Variants in SMURF1 observed in about 807,000 individuals in gnomAD.
SMURF1 encodes SMAD specific E3 ubiquitin protein ligase 1, also known as E3 ubiquitin-protein ligase SMURF1.
In SMURF1, 44 loss-of-function variants were observed where a neutral mutation model predicts 98.0. The observed-to-expected ratio is 0.45, with a 90% CI of 0.35 to 0.58. SMURF1 has a LOEUF of 0.58. Ranked by LOEUF, SMURF1 falls within the 20% of genes least tolerant of loss-of-function variation. The pLI, the probability that SMURF1 is intolerant of heterozygous loss-of-function variation, is 0.00. For synonymous variants in SMURF1, 396 were observed against 374.9 expected, an observed-to-expected ratio of 1.06 and a Z score of -0.65; for missense variants, 687 against 938.4, an observed-to-expected ratio of 0.73 and a Z score of 3.50.
In SMURF1 at chr7:99,033,322, C is replaced by CT. The variant is rs944984965; in HGVS notation, c.2012-202dup. Reference sequence around the variant, plus strand: ...CTATCAAAGTGACAAAATTCAGACACTTTTTTGAGACAGGGTCTCACTCTG... The same window carrying CT: ...CTATCAAAGTGACAAAATTCAGACACTTTTTTTGAGACAGGGTCTCACTCTG... On this transcript the variant is annotated intron_variant, in intron 16 of 17. Coordinates refer to ENST00000361368, the MANE Select transcript of SMURF1 (RefSeq NM_181349.3). Among the ~76,000 whole-genome samples the CT allele has an allele frequency of 2.6e-5, 4 of 152,086 alleles. No homozygotes were observed. In the South Asian group the frequency reaches 8.3e-4, roughly 32 times the overall value.
chr7:99,139,809 G>T (rs531858002), intron 1 of SMURF1, among the ~76,000 whole-genome samples: 3 of 152,068 alleles, frequency 2.0e-5, no homozygotes, highest in Admixed American at 6.5e-5. Flanking sequence ...AAATACAAAG[G>T]CTCAAATATT....
chr7:99,090,467 A>G (rs1464694032), intron 1 of SMURF1, among the ~76,000 whole-genome samples: 1 of 152,074 alleles, frequency 6.6e-6, no homozygotes, highest in Non-Finnish European at 1.5e-5. Context: ...ATCCCCTTAC[A>G]GTCAATTTCC....
chr7:99,089,404 C>T (rs1379639009), intron 1 of SMURF1, among the ~76,000 whole-genome samples: 3 of 151,028 alleles, frequency 2.0e-5, no homozygotes, highest in East Asian at 2.0e-4. Flanking sequence ...TTTGGGAGGC[C>T]GAGGCAGGAG....
At chr7:99,093,863 A>C (rs1244296534) in intron 1 of SMURF1, among the ~76,000 whole-genome samples, 2 of 152,168 alleles carry the variant, frequency 1.3e-5, no homozygotes, top group African/African-American at 4.8e-5. Flanking sequence ...AAAGCTTTAC[A>C]ATCTAAATGT....
chr7:99,093,982 C>T (rs1172844124), intron 1 of SMURF1, among the ~76,000 whole-genome samples: 3 of 152,046 alleles, frequency 2.0e-5, no homozygotes, highest in African/African-American at 4.8e-5. Flanking sequence ...TTGAAATTTA[C>T]GCACAAGATT....
chr7:99,119,053 G>A (rs185296918), intron 1 of SMURF1, among the ~76,000 whole-genome samples: 341 of 103,038 alleles, frequency 3.3e-3, no homozygotes, highest in Non-Finnish European at 4.8e-3. Context: ...TTAGAGACAG[G>A]GTCTCGCTAT....
chr7:99,033,070 G>A lies in SMURF1; in HGVS notation c.2063C>T (p.Ala688Val), dbSNP rs750847219. ...GGCCTTCGGAAGGTTGTCTGTGTTC[G>A]CGTCTATCAGGTGGATGGTGAACAG... is the stretch of plus-strand genomic sequence containing the variant. ...PRLFTIHLID[A>V]NTDNLPKAHT... is the part of the protein sequence containing the mutation. Residue 688 changes from alanine (A) to valine (V), a missense_variant, in exon 17 of 18, where the codon GCG becomes GTG. Physicochemically the swap from Ala to Val is moderately conservative, Grantham distance 64 (BLOSUM62 0). Around this residue, in one of 2 missense-constraint regions of SMURF1, gnomAD observed 272 missense variants for 430.0 expected, o/e 0.63. Transcript: ENST00000361368. 8.8e-6 allele frequency: 14 copies of A among 1,592,610 alleles called. No homozygotes were observed. Among genetic ancestry groups the A allele is most frequent in the Middle Eastern group, 1.7e-4 (1 of 5,856 alleles).
rs368142626 is a variant in SMURF1, at chr7:99,049,728, C to A, written c.807-19G>T. The A allele has an allele frequency of 1.2e-6, 2 of 1,609,310 alleles. No individual in the cohort carries two copies. The highest frequency in any genetic ancestry group is 1.7e-5 in the Admixed American group (1 of 59,202). ...AAGGTCTCTACCAAAATGGAAGATACAGAGAGGTTTGTCCAACTGAGTATG... is the reference window on the plus strand; with the variant it reads ...AAGGTCTCTACCAAAATGGAAGATAAAGAGAGGTTTGTCCAACTGAGTATG... On this transcript the variant is annotated intron_variant, in intron 8 of 17. Transcript: ENST00000361368.
intron 6 of SMURF1, 148 bp downstream of exon 6, chr7:99,054,642 G>T (rs1402686500): frequency 1.5e-5 from 10 of 680,212 alleles, no homozygotes; most frequent in Non-Finnish European, 2.5e-5. Flanking sequence ...TTATAGCCAA[G>T]TAAACTGGTT....
At chr7:99,109,287 C>T (rs992287992) in intron 1 of SMURF1, among the ~76,000 whole-genome samples, 5 of 152,344 alleles carry the variant, frequency 3.3e-5, no homozygotes, top group East Asian at 1.9e-4. Context: ...TCACAGACAC[C>T]GGCAAGCCGC....
At chr7:99,117,697 G>T (rs1797490822) in intron 1 of SMURF1, among the ~76,000 whole-genome samples, 2 of 151,902 alleles carry the variant, frequency 1.3e-5, no homozygotes, top group South Asian at 2.1e-4. Flanking sequence ...AAACTTTTAT[G>T]CAGCAAAGAA....
Position 99,038,408 on chromosome 7 carries a change from C to T in SMURF1, c.1668G>A (p.Glu556=), listed in dbSNP as rs757866662. The change falls in exon 14 of 18, where the codon GAG becomes GAA. Residue 556 remains glutamate (E), a synonymous_variant. Transcript: ENST00000361368. Reference sequence around the variant, plus strand: ...ATTACCGGACGTATTCTTTCTTATTCTCCTCTGTGACTGGCACATTTCTGC... The same window carrying T: ...ATTACCGGACGTATTCTTTCTTATTTTCCTCTGTGACTGGCACATTTCTGC... ...PNGRNVPVTE[E]NKKEYVRLYV... 2 of 1,614,194 alleles carry T rather than the reference C, an allele frequency of 1.2e-6. No homozygotes were observed. Among genetic ancestry groups the T allele is most frequent in the South Asian group, 2.2e-5 (2 of 91,086 alleles).
chr7:99,049,676 T>TA lies in SMURF1; in HGVS notation c.839_840insT (p.Pro281ThrfsTer22). ...TGACTTCCCAGCCTGGCGGCAGTGGTCCAAGTTCATCACAGTTCACACTGT... is the reference window on the plus strand; with the variant it reads ...TGACTTCCCAGCCTGGCGGCAGTGGTACCAAGTTCATCACAGTTCACACTGT... On this transcript the variant is annotated frameshift_variant, in exon 9 of 18. Coordinates refer to ENST00000361368, the MANE Select transcript of SMURF1 (RefSeq NM_181349.3). LOFTEE classifies it high-confidence loss of function. The TA allele has an allele frequency of 6.2e-7, 1 of 1,614,124 alleles. No individual in the cohort carries two copies. The highest frequency in any genetic ancestry group is 8.5e-7 in the Non-Finnish European group (1 of 1,180,018).
At chr7:99,063,675 T>C (rs1796121053) in intron 1 of SMURF1, among the ~76,000 whole-genome samples, 1 of 151,946 alleles carries the variant, frequency 6.6e-6, no homozygotes, top group African/African-American at 2.4e-5. Flanking sequence ...GGGACAACTA[T>C]CATTACAATC....
At chr7:99,142,149 C>T (rs1286146150) in intron 1 of SMURF1, among the ~76,000 whole-genome samples, 2 of 152,194 alleles carry the variant, frequency 1.3e-5, no homozygotes, top group Non-Finnish European at 2.9e-5. Flanking sequence ...GCCACCAAGT[C>T]GCAGGCCCGC....
Position 99,061,866 on chromosome 7 carries a change from A to G in SMURF1, c.56-29T>C, listed in dbSNP as rs145626242. ...AAAACAAAGAAAAATTACTCAGGTTAGCATTAAAGACGAGATTTCCATAAT... is the reference window on the plus strand; with the variant it reads ...AAAACAAAGAAAAATTACTCAGGTTGGCATTAAAGACGAGATTTCCATAAT... On this transcript the variant is annotated intron_variant, in intron 1 of 17. Coordinates refer to ENST00000361368, the MANE Select transcript of SMURF1 (RefSeq NM_181349.3). 362 of 1,545,962 alleles carry G rather than the reference A, an allele frequency of 2.3e-4. No homozygotes were observed. In the African/African-American group the frequency reaches 3.8e-3, roughly 16 times the overall value.
chr7:99,059,753 C>G (rs1458635281), intron 3 of SMURF1, among the ~76,000 whole-genome samples: 1 of 151,336 alleles, frequency 6.6e-6, no homozygotes, highest in Non-Finnish European at 1.5e-5. Context: ...ACTAAAAATA[C>G]AAAAATTAGT....
At chr7:99,081,880 T>A (rs1411156428) in intron 1 of SMURF1, among the ~76,000 whole-genome samples, 1 of 152,234 alleles carries the variant, frequency 6.6e-6, no homozygotes, top group Non-Finnish European at 1.5e-5. Context: ...CTCGAACTCC[T>A]AACCTCAGGT....
chr7:99,104,412 G>A (rs970482601), intron 1 of SMURF1, among the ~76,000 whole-genome samples: 1 of 152,032 alleles, frequency 6.6e-6, no homozygotes, highest in African/African-American at 2.4e-5. Context: ...CAGTGAAATG[G>A]CTAAGTGCCT....
Sources: gnomAD v4.1 joint callset for allele counts (sites outside exome capture counted in the v4.1 genomes callset) on GRCh38, gnomAD v4.1.1 for gene constraint, gnomAD v4.1.1 regional missense constraint, MANE v1.5 for transcripts, NCBI Gene and HGNC (gene_info 2026-07-23, HGNC 2026-07-21) for gene names.